ZYG11B: variants seen among roughly 807,000 people sequenced by gnomAD.
The protein encoded by ZYG11B is protein zyg-11 homolog B.
Under a neutral mutation model 82.4 loss-of-function variants are expected in ZYG11B, and 36 were observed. The ratio of observed to expected loss-of-function variants is 0.44; its 90% CI spans 0.33 to 0.58. The LOEUF (loss-of-function observed/expected upper bound fraction) is 0.58, where lower values mean the gene tolerates loss of function less well. Among genes scored for constraint, ZYG11B ranks in the 20% least tolerant of loss-of-function variants. The pLI is 0.02. For missense variants in ZYG11B, 552 were observed against 895.6 expected (o/e 0.62, Z 4.90); for synonymous variants, 303 against 312.8 (o/e 0.97, Z 0.33).
intron 1 of ZYG11B, among the ~76,000 whole-genome samples, chr1:52,745,306 GAAGGGTAGAGATTAAAAGA>G (rs972580749): frequency 6.6e-6 from 1 of 152,190 alleles, no homozygotes; most frequent in African/African-American, 2.4e-5. Context: ...TTGTGGGAAG[GAAGGGTAGAGATTAAAAGA>G]AAGCTATGAG....
chr1:52,778,313 C>A (rs898223636), intron 3 of ZYG11B, among the ~76,000 whole-genome samples: 1 of 152,098 alleles, frequency 6.6e-6, no homozygotes. Flanking sequence ...TTTGTAGAGA[C>A]AGGGTCTTGC....
At chr1:52,772,147 T>C (rs1644758251) in intron 3 of ZYG11B, 1 of 1,276,840 alleles carries the variant, frequency 7.8e-7, no homozygotes, top group Admixed American at 1.7e-5. Context: ...TGTTTTTGTT[T>C]TATTTTAGTT....
intron 1 of ZYG11B, among the ~76,000 whole-genome samples, chr1:52,743,724 G>GA (rs1298866947): frequency 4.0e-5 from 6 of 151,804 alleles, no homozygotes; most frequent in African/African-American, 1.5e-4. Context: ...CCCCCAAAAA[G>GA]AAAAAACATT....
At chr1:52,757,822 G>A (rs6588441) in intron 2 of ZYG11B, among the ~76,000 whole-genome samples, 90,095 of 152,006 alleles carry the variant, frequency 0.59, 29,431 homozygotes, top group East Asian at 0.97. Flanking sequence ...TCAAAAACCA[G>A]TGCTGAAAAT....
At chr1:52,739,091 G>A (rs12049536) in intron 1 of ZYG11B, among the ~76,000 whole-genome samples, 17,959 of 148,126 alleles carry the variant, frequency 0.12, 2,443 homozygotes, top group East Asian at 0.36. Context: ...GGGGTCAAGC[G>A]ATTCTCCTGC....
chr1:52,761,431 T>C (rs1644630480), intron 2 of ZYG11B, among the ~76,000 whole-genome samples: 1 of 152,214 alleles, frequency 6.6e-6, no homozygotes, highest in Non-Finnish European at 1.5e-5. Flanking sequence ...AGTGAGAACA[T>C]GCTGTGTTTA....
intron 1 of ZYG11B, among the ~76,000 whole-genome samples, chr1:52,730,956 A>G (rs191917568): frequency 6.6e-6 from 1 of 152,158 alleles, no homozygotes; most frequent in African/African-American, 2.4e-5. Flanking sequence ...CTGAGGGATT[A>G]AATTGTAGGA....
chr1:52,783,867 C>CATACACGTGTGTGTGTATGTAT, intron 4 of ZYG11B, among the ~76,000 whole-genome samples: 2 of 116,868 alleles, frequency 1.7e-5, no homozygotes, highest in African/African-American at 8.2e-5. Context: ...TGTGTATGTA[C>CATACACGTGTGTGTGTATGTAT]ATACACGTGT....
intron 1 of ZYG11B, among the ~76,000 whole-genome samples, chr1:52,736,358 G>A (rs1350337444): frequency 6.6e-6 from 1 of 151,980 alleles, no homozygotes; most frequent in Non-Finnish European, 1.5e-5. Flanking sequence ...CAGCTCACTA[G>A]AACCTCTGCC....
intron 8 of ZYG11B, among the ~76,000 whole-genome samples, chr1:52,797,343 TTA>T (rs1645029513): frequency 1.6e-5 from 1 of 61,842 alleles, no homozygotes; most frequent in African/African-American, 1.0e-4. Flanking sequence ...ATATTTATAA[TTA>T]TATATTATAT....
intron 10 of ZYG11B, among the ~76,000 whole-genome samples, chr1:52,804,180 G>C (rs894744148): frequency 6.6e-6 from 1 of 152,074 alleles, no homozygotes; most frequent in African/African-American, 2.4e-5. Flanking sequence ...AGGAGTTTGA[G>C]GGCTGCAGTG....
intron 1 of ZYG11B, among the ~76,000 whole-genome samples, chr1:52,727,913 C>G (rs1644298528): frequency 6.6e-6 from 1 of 152,042 alleles, no homozygotes; most frequent in South Asian, 2.1e-4. Context: ...ATTATGTTCC[C>G]CTAGGAGGTT....
At chr1:52,800,283 A>AC (rs899491956) in intron 8 of ZYG11B, among the ~76,000 whole-genome samples, 2 of 151,860 alleles carry the variant, frequency 1.3e-5, no homozygotes, top group Admixed American at 1.3e-4. Flanking sequence ...GTCAAAAAAA[A>AC]AAAAAGAAAA....
chr1:52,811,033 CAAAAAA>C (rs747809612), intron 10 of ZYG11B, among the ~76,000 whole-genome samples: 2 of 40,816 alleles, frequency 4.9e-5, no homozygotes, highest in African/African-American at 2.6e-4. Flanking sequence ...GGCTCCGTCT[CAAAAAA>C]AAAAAAAAAA....
Position 52,817,777 on chromosome 1 carries a change from G to GTGTGTA in ZYG11B, c.2044+1149_2044+1150insGTGTAT, listed in dbSNP as rs1352242565. Among the ~76,000 whole-genome samples, 43 of 41,532 alleles carry GTGTGTA rather than the reference G, an allele frequency of 1.0e-3. 2 individuals carry two copies. Among genetic ancestry groups the GTGTGTA allele is most frequent in the South Asian group, 4.0e-3 (4 of 1,010 alleles). 27.2% of individuals were successfully genotyped at this position (41,532 alleles called of 152,430 possible). On this transcript the variant is annotated intron_variant, in intron 13 of 13. Transcript: ENST00000294353. ...AATAGTAAAGTGTGTATATATATGT[G>GTGTGTA]TATATATATATATATATATATATAT...
At chr1:52,772,961 G>A (rs1194952482) in intron 3 of ZYG11B, among the ~76,000 whole-genome samples, 6 of 152,016 alleles carry the variant, frequency 3.9e-5, no homozygotes, top group African/African-American at 1.2e-4. Flanking sequence ...ATAGGCATGA[G>A]CCACCGCGCC....
intron 1 of ZYG11B, among the ~76,000 whole-genome samples, chr1:52,744,238 T>G (rs1644458498): frequency 6.6e-6 from 1 of 152,122 alleles, no homozygotes; most frequent in South Asian, 2.1e-4. Context: ...CATCCAGCCT[T>G]TTTCTATGTT....
intron 13 of ZYG11B, among the ~76,000 whole-genome samples, chr1:52,819,920 T>C (rs1037933689): frequency 6.6e-6 from 1 of 151,460 alleles, no homozygotes; most frequent in Non-Finnish European, 1.5e-5. Flanking sequence ...TTTTATTTTA[T>C]TTTATTTTTT....
intron 1 of ZYG11B, among the ~76,000 whole-genome samples, chr1:52,728,766 G>C (rs1644304961): frequency 6.6e-6 from 1 of 152,138 alleles, no homozygotes; most frequent in Non-Finnish European, 1.5e-5. Flanking sequence ...AGCTGGGCCT[G>C]AAAGTTGAAT....
Sources: gnomAD v4.1 joint callset for allele counts (sites outside exome capture counted in the v4.1 genomes callset) on GRCh38, gnomAD v4.1.1 for gene constraint, MANE v1.5 for transcripts, NCBI Gene and HGNC (gene_info 2026-07-23, HGNC 2026-07-21) for gene names.